Variants in POU2F1 observed in about 807,000 individuals in gnomAD.
POU2F1 encodes POU class 2 homeobox 1.
A neutral mutation model predicts 84.9 loss-of-function variants in POU2F1; 16 were observed. That is an observed-to-expected ratio of 0.19 (90% CI 0.13 to 0.29). POU2F1 has a LOEUF of 0.29. Ranked by LOEUF, POU2F1 falls within the 10% of genes least tolerant of loss-of-function variation. The probability of loss-of-function intolerance (pLI) is 1.00; values close to 1 mark genes in which losing one functional copy is unlikely to be tolerated. For synonymous variants in POU2F1, 368 were observed against 368.3 expected, an observed-to-expected ratio of 1.00 and a Z score of 0.01; for missense variants, 738 against 942.6, an observed-to-expected ratio of 0.78 and a Z score of 2.84.
rs145389041 is a variant in POU2F1, at chr1:167,288,486, C to T, written c.62-43984C>T. On this transcript the variant is annotated intron_variant, in intron 1 of 15. Transcript: ENST00000367866. ...GGCCAGGTGTGTGAGCTCAGGAGTT[C>T]GAGTCTAGCCCAGGCAACATAATGA... is the stretch of plus-strand genomic sequence containing the variant. Among the ~76,000 whole-genome samples the T allele has an allele frequency of 4.2e-3, 638 of 152,112 alleles. 11 individuals carry two copies. Among genetic ancestry groups the T allele is most frequent in the African/African-American group, 0.015 (617 of 41,474 alleles).
At chr1:167,235,825 G>A (rs370098454) in intron 1 of POU2F1, among the ~76,000 whole-genome samples, 3 of 152,268 alleles carry the variant, frequency 2.0e-5, no homozygotes, top group South Asian at 4.1e-4. Flanking sequence ...ATTAATGCAG[G>A]AACAGAAAAC....
intron 1 of POU2F1, among the ~76,000 whole-genome samples, chr1:167,326,796 A>T (rs145079895): frequency 6.6e-6 from 1 of 152,214 alleles, no homozygotes; most frequent in East Asian, 1.9e-4. Context: ...CTTTGTTAGC[A>T]ATGATTGTCT....
chr1:167,329,157 C>G (rs1656907360), intron 1 of POU2F1: 5 of 1,423,192 alleles, frequency 3.5e-6, no homozygotes, highest in Non-Finnish European at 4.7e-6. Flanking sequence ...CAACCCCCCT[C>G]TTTTCGCTTA....
At chr1:167,293,820 C>T (rs561348079) in intron 1 of POU2F1, among the ~76,000 whole-genome samples, 5 of 152,198 alleles carry the variant, frequency 3.3e-5, no homozygotes, top group South Asian at 2.1e-4. Flanking sequence ...TATAACCAAC[C>T]TGATCTTCAA....
At chr1:167,379,110 T>G (rs1647314074) in intron 7 of POU2F1, 3 of 152,060 alleles carry the variant, frequency 2.0e-5, no homozygotes, top group African/African-American at 7.2e-5. Flanking sequence ...AAAAAAAGTT[T>G]TTTATAGAGA....
chr1:167,260,455 C>G (rs559479359), intron 1 of POU2F1, among the ~76,000 whole-genome samples: 1 of 152,210 alleles, frequency 6.6e-6, no homozygotes, highest in South Asian at 2.1e-4. Flanking sequence ...TCTTCCAGAT[C>G]TTCAGATTCT....
chr1:167,322,277 A>T (rs994433281), intron 1 of POU2F1, among the ~76,000 whole-genome samples: 9 of 152,202 alleles, frequency 5.9e-5, no homozygotes, highest in African/African-American at 2.2e-4. Flanking sequence ...ATCAGGAGCT[A>T]TGCTATATGC....
At chr1:167,252,926 G>A (rs571092746) in intron 1 of POU2F1, among the ~76,000 whole-genome samples, 3 of 152,132 alleles carry the variant, frequency 2.0e-5, no homozygotes, top group Non-Finnish European at 4.4e-5. Context: ...TGTGCTGACC[G>A]CCATTTTGCC....
intron 8 of POU2F1, among the ~76,000 whole-genome samples, chr1:167,387,514 C>A (rs1011024268): frequency 6.6e-6 from 1 of 152,192 alleles, no homozygotes; most frequent in Non-Finnish European, 1.5e-5. Context: ...GAACTTAACT[C>A]CAGTTGTCGC....
intron 1 of POU2F1, among the ~76,000 whole-genome samples, chr1:167,324,826 A>G (rs1434750044): frequency 6.6e-6 from 1 of 152,228 alleles, no homozygotes; most frequent in Non-Finnish European, 1.5e-5. Context: ...GTATCTGCCC[A>G]TCTAGATTTT....
intron 2 of POU2F1, among the ~76,000 whole-genome samples, chr1:167,350,203 G>A (rs1181947086): frequency 6.6e-6 from 1 of 152,156 alleles, no homozygotes; most frequent in African/African-American, 2.4e-5. Flanking sequence ...ACTTAATGTA[G>A]TTTCCCTTGC....
chr1:167,221,520 G>C (rs1477912642), intron 1 of POU2F1, among the ~76,000 whole-genome samples: 1 of 148,944 alleles, frequency 6.7e-6, no homozygotes, highest in Non-Finnish European at 1.5e-5. Flanking sequence ...CCGGCGGCCG[G>C]ACACCCGCAC....
chr1:167,384,981 C>A (rs1263474173), intron 8 of POU2F1, among the ~76,000 whole-genome samples: 1 of 152,050 alleles, frequency 6.6e-6, no homozygotes, highest in Non-Finnish European at 1.5e-5. Flanking sequence ...AAAAAAGCTA[C>A]TGGAATAAGT....
At chr1:167,296,278 G>C (rs184252856) in intron 1 of POU2F1, among the ~76,000 whole-genome samples, 57 of 152,184 alleles carry the variant, frequency 3.7e-4, no homozygotes, top group Non-Finnish European at 6.0e-4. Context: ...ATTCATATTT[G>C]TCTATTTCAT....
At chr1:167,259,208 C>T (rs187782128) in intron 1 of POU2F1, among the ~76,000 whole-genome samples, 12 of 152,270 alleles carry the variant, frequency 7.9e-5, no homozygotes, top group East Asian at 7.7e-4. Context: ...GTGTTATAAA[C>T]GAGGGAGTGG....
chr1:167,266,319 T>C (rs1651949118), intron 1 of POU2F1, among the ~76,000 whole-genome samples: 1 of 152,206 alleles, frequency 6.6e-6, no homozygotes, highest in Non-Finnish European at 1.5e-5. Context: ...CAGTGCTTTC[T>C]GAATGCATTG....
intron 1 of POU2F1, among the ~76,000 whole-genome samples, chr1:167,227,219 A>G (rs75588574): frequency 0.016 from 2,469 of 152,310 alleles, 26 homozygotes; most frequent in Non-Finnish European, 0.025. Flanking sequence ...AGTCTTCAAT[A>G]TTGAAAGTCA....
chr1:167,297,287 T>G (rs1654348820), intron 1 of POU2F1, among the ~76,000 whole-genome samples: 2 of 152,190 alleles, frequency 1.3e-5, no homozygotes, highest in African/African-American at 4.8e-5. Context: ...GTAGTTTGCT[T>G]TCAGCTTCAG....
At chr1:167,302,447 C>T (rs577017124) in intron 1 of POU2F1, among the ~76,000 whole-genome samples, 4 of 152,008 alleles carry the variant, frequency 2.6e-5, no homozygotes, top group South Asian at 2.1e-4. Flanking sequence ...CTTTTAGAGA[C>T]GGGGTTTCAC....
Sources: gnomAD v4.1 joint callset for allele counts (sites outside exome capture counted in the v4.1 genomes callset) on GRCh38, gnomAD v4.1.1 for gene constraint, MANE v1.5 for transcripts, NCBI Gene and HGNC (gene_info 2026-07-23, HGNC 2026-07-21) for gene names.